The following KCNJ16 variants were observed in gnomAD, a reference collection of about 807,000 sequenced individuals.
KCNJ16 encodes the protein inward rectifier potassium channel 16.
KCNJ16 carries 15 observed loss-of-function variants against 18.5 expected under a neutral mutation model. The ratio of observed to expected loss-of-function variants is 0.81; its 90% CI spans 0.54 to 1.25. The LOEUF (loss-of-function observed/expected upper bound fraction) is 1.25, where lower values mean the gene tolerates loss of function less well. Among genes scored for constraint, KCNJ16 ranks in the 50% most tolerant of loss-of-function variants. The pLI is 0.00. For synonymous variants in KCNJ16, 174 were observed against 186.5 expected (o/e 0.93, Z 0.55); for missense variants, 523 against 525.7 (o/e 0.99, Z 0.05).
chr17:70,098,176 A>G (rs79595385), intron 1 of KCNJ16, among the ~76,000 whole-genome samples: 2,105 of 152,280 alleles, frequency 0.014, 42 homozygotes, highest in African/African-American at 0.047. Flanking sequence ...TTCAGTGTGA[A>G]CACAGTTTGT....
At chr17:70,099,714 T>G (rs746557145) in intron 1 of KCNJ16, among the ~76,000 whole-genome samples, 8 of 152,140 alleles carry the variant, frequency 5.3e-5, no homozygotes, top group Non-Finnish European at 7.3e-5. Context: ...TGCCTGGTGC[T>G]ATGTGTGTTT....
At chr17:70,089,822 G>A (rs918904611) in intron 1 of KCNJ16, among the ~76,000 whole-genome samples, 1 of 152,188 alleles carries the variant, frequency 6.6e-6, no homozygotes, top group African/African-American at 2.4e-5. Context: ...GACTAACTCT[G>A]TTTAGAATCT....
At chr17:70,096,379 C>G (rs9909021) in intron 1 of KCNJ16, among the ~76,000 whole-genome samples, 129,096 of 152,126 alleles carry the variant, frequency 0.85, 54,851 homozygotes, top group East Asian at 0.96. Context: ...TGTGGTCTCT[C>G]ATATAAGATT....
intron 2 of KCNJ16, among the ~76,000 whole-genome samples, chr17:70,127,036 T>C (rs2073878186): frequency 6.6e-6 from 1 of 152,218 alleles, no homozygotes. Flanking sequence ...GCTCATAACA[T>C]ATTATAACCC....
rs1020054748 is a variant in KCNJ16, at chr17:70,133,051, A to C, written c.964A>C (p.Lys322Gln). The change falls in exon 4 of 4, where the codon AAA becomes CAA. Residue 322 changes from lysine to glutamine, a missense_variant. By Grantham distance (53) the Lys-to-Gln change is moderately conservative. Transcript: ENST00000392671. ...DVLEVKRKYY[K>Q]VNCLQFEGSV... ...CTTGGAAGTTAAGAGGAAGTATTAC[A>C]AAGTGAACTGCTTACAGTTTGAAGG... 4.2e-5 allele frequency: 68 copies of C among 1,614,040 alleles called. No homozygotes were observed. Among genetic ancestry groups the C allele is most frequent in the Non-Finnish European group, 5.5e-5 (65 of 1,180,032 alleles).
At chr17:70,128,562 G>T (rs1474167365) in intron 2 of KCNJ16, 5 of 152,092 alleles carry the variant, frequency 3.3e-5, no homozygotes, top group Non-Finnish European at 5.9e-5. Context: ...ATCTATAAAA[G>T]AACTCTAAGT....
chr17:70,130,365 C>T (rs911180361), intron 2 of KCNJ16, among the ~76,000 whole-genome samples: 1 of 152,092 alleles, frequency 6.6e-6, no homozygotes, highest in Non-Finnish European at 1.5e-5. Flanking sequence ...AATTGGATCC[C>T]CCCAAATTGG....
chr17:70,129,385 G>A (rs1418183266), intron 2 of KCNJ16, among the ~76,000 whole-genome samples: 3 of 152,100 alleles, frequency 2.0e-5, no homozygotes, highest in African/African-American at 7.2e-5. Context: ...AAATTAACAC[G>A]AAATACTAAA....
At chr17:70,114,010 G>A (rs2073299333) in intron 2 of KCNJ16, among the ~76,000 whole-genome samples, 1 of 152,044 alleles carries the variant, frequency 6.6e-6, no homozygotes, top group African/African-American at 2.4e-5. Context: ...TTAAGGTATT[G>A]TCTCAAGATG....
At chr17:70,114,227 A>G (rs1364988355) in intron 2 of KCNJ16, among the ~76,000 whole-genome samples, 1 of 152,176 alleles carries the variant, frequency 6.6e-6, no homozygotes, top group Non-Finnish European at 1.5e-5. Context: ...AGTTGTAGAC[A>G]CTATCCAGGG....
intron 1 of KCNJ16, among the ~76,000 whole-genome samples, chr17:70,084,277 AT>A (rs1174015574): frequency 2.6e-5 from 4 of 152,222 alleles, no homozygotes; most frequent in Admixed American, 6.5e-5. Flanking sequence ...AATTGGTACA[AT>A]CCAAATATAC....
At chr17:70,095,842 A>T (rs2072335548) in intron 1 of KCNJ16, among the ~76,000 whole-genome samples, 1 of 139,914 alleles carries the variant, frequency 7.1e-6, no homozygotes, top group South Asian at 2.5e-4. Context: ...CAAATCTGTG[A>T]TAATTTGGCA....
At chr17:70,096,788 G>A (rs1348962093) in intron 1 of KCNJ16, 1 of 389,320 alleles carries the variant, frequency 2.6e-6, no homozygotes, top group Non-Finnish European at 4.5e-6. Context: ...TAGAGTTTCT[G>A]CCTCAGTGTT....
At chr17:70,119,929 C>T (rs531672061) in intron 2 of KCNJ16, among the ~76,000 whole-genome samples, 5 of 152,172 alleles carry the variant, frequency 3.3e-5, no homozygotes, top group Non-Finnish European at 7.3e-5. Context: ...TGCCATGTGG[C>T]CAGGCTGCAA....
At chr17:70,105,799 G>C (rs1186008453) in intron 2 of KCNJ16, among the ~76,000 whole-genome samples, 3 of 152,142 alleles carry the variant, frequency 2.0e-5, no homozygotes, top group African/African-American at 7.2e-5. Flanking sequence ...CATGCCTTCA[G>C]GTTTCCATTT....
chr17:70,130,456 G>A (rs2074016932), intron 2 of KCNJ16, among the ~76,000 whole-genome samples: 1 of 152,192 alleles, frequency 6.6e-6, no homozygotes, highest in African/African-American at 2.4e-5. Context: ...GGCAGATAGA[G>A]GACAGAGATA....
chr17:70,103,810 CAAT>C (rs1205204058), intron 2 of KCNJ16, among the ~76,000 whole-genome samples: 3 of 152,030 alleles, frequency 2.0e-5, no homozygotes, highest in African/African-American at 7.2e-5. Context: ...AAATTTTGCA[CAAT>C]AAAACACCAA....
intron 2 of KCNJ16, among the ~76,000 whole-genome samples, chr17:70,104,018 C>T (rs1208262775): frequency 6.7e-6 from 1 of 150,010 alleles, no homozygotes; most frequent in Non-Finnish European, 1.5e-5. Context: ...AAACTTGCAG[C>T]CTCGATCTCC....
At chr17:70,125,877 A>T (rs1217086757) in intron 2 of KCNJ16, among the ~76,000 whole-genome samples, 1 of 152,072 alleles carries the variant, frequency 6.6e-6, no homozygotes, top group Admixed American at 6.5e-5. Flanking sequence ...GGTTGCAGTG[A>T]GCCGAGATCG....
Sources: gnomAD v4.1 joint callset for allele counts (sites outside exome capture counted in the v4.1 genomes callset) on GRCh38, gnomAD v4.1.1 for gene constraint, MANE v1.5 for transcripts, NCBI Gene and HGNC (gene_info 2026-07-23, HGNC 2026-07-21) for gene names.